Variants in GRAMD2A observed in about 807,000 individuals in gnomAD.
GRAMD2A encodes the protein GRAM domain containing 2A.
A neutral mutation model predicts 51.1 loss-of-function variants in GRAMD2A; 37 were observed. The observed-to-expected ratio is 0.72, with a 90% CI of 0.56 to 0.95. The LOEUF (loss-of-function observed/expected upper bound fraction) is 0.95. Among genes scored for constraint, GRAMD2A ranks in the 40% least tolerant of loss-of-function variants. The pLI is 0.00. For synonymous variants in GRAMD2A, 136 were observed against 157.1 expected (o/e 0.87, Z 1.01); for missense variants, 414 against 426.9 (o/e 0.97, Z 0.27).
chr15:72,191,225 G>A (rs1377012646), intron 1 of GRAMD2A, among the ~76,000 whole-genome samples: 1 of 151,142 alleles, frequency 6.6e-6, no homozygotes, highest in African/African-American at 2.4e-5. Context: ...TTTAAATGGA[G>A]TTTCACTCTT....
chr15:72,164,159 A>G (rs1041550822), intron 8 of GRAMD2A, among the ~76,000 whole-genome samples: 3 of 152,174 alleles, frequency 2.0e-5, no homozygotes, highest in Non-Finnish European at 4.4e-5. Context: ...ATCTACAAAA[A>G]TGGGAACTTC....
rs1243925722 is a variant in GRAMD2A at position 72,169,121 on chromosome 15, TC to T, written c.135-126del. On this transcript the variant is annotated intron_variant, in intron 2 of 11. Coordinates refer to ENST00000309731, the MANE Select transcript of GRAMD2A (RefSeq NM_001012642.3). The stretch of plus-strand genomic sequence containing the variant: ...CAGAGATCAGAGACTAGGACCCTTC[TC>T]TAGGGGACACAGCAAAATGACAAGT... 23 of 783,800 alleles carry T rather than the reference TC, an allele frequency of 2.9e-5. No homozygotes were observed. In the Admixed American group the frequency reaches 4.4e-4, roughly 15 times the overall value. 48.6% of individuals were successfully genotyped at this position (783,800 alleles called of 1,614,324 possible).
rs2081702987 is a variant in GRAMD2A at position 72,182,367 on chromosome 15, A to C, written c.42-12428T>G. ...GCGACAGAGTGAGACTGTCTCAAAA[A>C]AAAAAAAAAAAAAAAAAACCCAAAA... On this transcript the variant is annotated intron_variant, in intron 1 of 11. Coordinates refer to ENST00000309731, the MANE Select transcript of GRAMD2A (RefSeq NM_001012642.3). Among the ~76,000 whole-genome samples, 4 of 151,142 alleles carry C rather than the reference A, an allele frequency of 2.6e-5. No individual in the cohort carries two copies. The South Asian group carries it at 8.3e-4, about 31-fold the overall frequency.
intron 10 of GRAMD2A, chr15:72,162,937 C>T (rs188002314): frequency 1.7e-5 from 5 of 290,798 alleles, no homozygotes; most frequent in Admixed American, 4.6e-5. Flanking sequence ...TGGGCAGTGG[C>T]GAGGCCAAGC....
intron 8 of GRAMD2A, 145 bp downstream of exon 8, chr15:72,165,209 A>T (rs1424135363): frequency 1.8e-4 from 129 of 706,344 alleles, no homozygotes; most frequent in Admixed American, 1.2e-3. Context: ...TGGCAGGTTT[A>T]AGAGATGCCC....
intron 1 of GRAMD2A, 103 bp downstream of exon 1, chr15:72,197,628 C>A: frequency 1.0e-6 from 1 of 953,770 alleles, no homozygotes; most frequent in Non-Finnish European, 1.3e-6. Flanking sequence ...CAGAACGCGC[C>A]GAGTTGCCGC....
intron 8 of GRAMD2A, among the ~76,000 whole-genome samples, chr15:72,164,532 C>T (rs556626057): frequency 4.6e-5 from 7 of 152,000 alleles, no homozygotes; most frequent in Non-Finnish European, 7.4e-5. Context: ...CAGCCTCCTG[C>T]GTAGCTGGGA....
intron 8 of GRAMD2A, 182 bp from the exon 9 acceptor site, chr15:72,163,939 C>G (rs564756019): frequency 3.4e-6 from 2 of 583,034 alleles, no homozygotes; most frequent in South Asian, 4.6e-5. Context: ...CCTCTCCTCT[C>G]TGCTCCCTTG....
At chr15:72,197,191 G>T (rs1287929140) in intron 1 of GRAMD2A, among the ~76,000 whole-genome samples, 1 of 152,174 alleles carries the variant, frequency 6.6e-6, no homozygotes, top group East Asian at 1.9e-4. Context: ...CTGGCGCCCG[G>T]GGGAGGCCGC....
chr15:72,168,882 C>G (rs1468438617), intron 3 of GRAMD2A, 57 bp downstream of exon 3: 3 of 1,521,032 alleles, frequency 2.0e-6, no homozygotes, highest in Non-Finnish European at 2.7e-6. Flanking sequence ...TCACTGAATT[C>G]TGGCAGCCCA....
At chr15:72,163,930 C>T in intron 8 of GRAMD2A, 173 bp from the exon 9 acceptor site, 1 of 605,936 alleles carries the variant, frequency 1.7e-6, no homozygotes, top group Non-Finnish European at 2.8e-6. Flanking sequence ...AACCATATGC[C>T]TCTCCTCTCT....
rs530375240 is a variant in GRAMD2A at position 72,185,216 on chromosome 15, C to T, written c.41+12515G>A. On this transcript the variant is annotated intron_variant, in intron 1 of 11. Coordinates refer to ENST00000309731, the MANE Select transcript of GRAMD2A (RefSeq NM_001012642.3). ...TTTTTTTTTTTTTTTTTTTTTGAGACGGAGTCTTGCTCTGTTGCCCAGGCT... is the reference window on the plus strand; with the variant it reads ...TTTTTTTTTTTTTTTTTTTTTGAGATGGAGTCTTGCTCTGTTGCCCAGGCT... 5.8e-4 allele frequency among the ~76,000 whole-genome samples: 80 copies of T among 138,114 alleles called. 1 individual carries two copies. Among genetic ancestry groups the T allele is most frequent in the African/African-American group, 2.1e-3 (76 of 35,662 alleles). The allele number at this position is 138,114 out of a possible 152,430, so 90.6% of individuals were successfully genotyped here.
At chr15:72,193,850 G>A (rs1222704029) in intron 1 of GRAMD2A, among the ~76,000 whole-genome samples, 1 of 152,194 alleles carries the variant, frequency 6.6e-6, no homozygotes, top group East Asian at 1.9e-4. Flanking sequence ...TAATAAAAAT[G>A]TATAGTAGTG....
Position 72,161,866 on chromosome 15 carries a change from G to T in GRAMD2A, c.*143C>A. ...CTCATAGAGGGAAGAGAAGAGCTGCGGGGAGGAGGAGGGATCTGGAATATT... is the reference window on the plus strand; with the variant it reads ...CTCATAGAGGGAAGAGAAGAGCTGCTGGGAGGAGGAGGGATCTGGAATATT... On this transcript the variant is annotated 3_prime_UTR_variant, in exon 12 of 12. Transcript: ENST00000309731. The T allele has an allele frequency of 1.2e-6, 1 of 807,036 alleles. No homozygotes were observed. Among genetic ancestry groups the T allele is most frequent in the Non-Finnish European group, 2.2e-6 (1 of 461,266 alleles). 50.0% of individuals were successfully genotyped at this position (807,036 alleles called of 1,614,324 possible). A position where few individuals can be genotyped will look rare whatever the true frequency, so the allele number is the denominator to read the frequency against.
intron 1 of GRAMD2A, among the ~76,000 whole-genome samples, chr15:72,195,659 C>A (rs771986006): frequency 6.6e-6 from 1 of 152,194 alleles, no homozygotes; most frequent in Non-Finnish European, 1.5e-5. Context: ...GTGGCTCACA[C>A]CTGTAATCCC....
intron 2 of GRAMD2A, chr15:72,169,572 A>T (rs760949629): frequency 4.7e-6 from 3 of 641,476 alleles, no homozygotes; most frequent in South Asian, 4.5e-5. Context: ...CACTGAGAAA[A>T]AAAGGTAAAC....
intron 1 of GRAMD2A, among the ~76,000 whole-genome samples, chr15:72,195,539 C>T (rs546720232): frequency 1.3e-5 from 2 of 152,312 alleles, no homozygotes; most frequent in South Asian, 4.1e-4. Context: ...CGACCTCAAC[C>T]TCAGGGGGTC....
chr15:72,187,616 CA>C (rs1200811152), intron 1 of GRAMD2A, among the ~76,000 whole-genome samples: 2 of 152,064 alleles, frequency 1.3e-5, no homozygotes, highest in Non-Finnish European at 2.9e-5. Flanking sequence ...TGGGCTCAAG[CA>C]ATTCTCCCAC....
At position 72,160,395 on chromosome 15, in the gene GRAMD2A, A is replaced by G. The variant is rs942291830; in HGVS notation, c.*1614T>C. 1.3e-5 allele frequency: 2 copies of G among 151,736 alleles called. No homozygotes were observed. Among genetic ancestry groups the G allele is most frequent in the African/African-American group, 4.8e-5 (2 of 41,268 alleles). 9.4% of individuals were successfully genotyped at this position (151,736 alleles called of 1,614,324 possible). A position where few individuals can be genotyped will look rare whatever the true frequency, so the allele number is the denominator to read the frequency against. On this transcript the variant is annotated 3_prime_UTR_variant, in exon 12 of 12. Transcript: ENST00000309731. ...ACAGTGAGTTTCACCTGAGACATACAGATTTGGTGCAAGCAACACAAAAGG... is the reference window on the plus strand; with the variant it reads ...ACAGTGAGTTTCACCTGAGACATACGGATTTGGTGCAAGCAACACAAAAGG...
Sources: allele counts gnomAD v4.1 joint callset (sites outside exome capture counted in the v4.1 genomes callset), GRCh38; gene constraint gnomAD v4.1.1; transcripts MANE v1.5; gene names NCBI Gene and HGNC (gene_info 2026-07-23, HGNC 2026-07-21).